Variants in DENND6A observed in about 807,000 individuals in gnomAD.
DENND6A encodes protein DENND6A.
DENND6A carries 43 observed loss-of-function variants against 95.5 expected under a neutral mutation model. That is an observed-to-expected ratio of 0.45 (90% confidence interval 0.35 to 0.58). The LOEUF (loss-of-function observed/expected upper bound fraction) is 0.58, where lower values mean the gene tolerates loss of function less well. DENND6A is among the 20% of genes least tolerant of loss of function. The pLI is 0.00. For synonymous variants in DENND6A, 257 were observed against 260.4 expected (o/e 0.99, Z 0.13); for missense variants, 574 against 736.0 (o/e 0.78, Z 2.55).
chr3:57,670,733 T>A (rs2071602698), intron 3 of DENND6A, among the ~76,000 whole-genome samples: 1 of 152,130 alleles, frequency 6.6e-6, no homozygotes, highest in African/African-American at 2.4e-5. Flanking sequence ...CCCTTCATGC[T>A]CATATAGAGA....
chr3:57,643,006 CAA>C (rs35913249), intron 11 of DENND6A, among the ~76,000 whole-genome samples: 5 of 104,536 alleles, frequency 4.8e-5, no homozygotes, highest in East Asian at 2.7e-4. Flanking sequence ...GACTTCATCT[CAA>C]AAAAAAAAAA....
At chr3:57,642,313 CAA>C (rs10681174) in intron 11 of DENND6A, among the ~76,000 whole-genome samples, 25 of 67,512 alleles carry the variant, frequency 3.7e-4, no homozygotes, top group East Asian at 1.0e-3. Context: ...GACTCTGTCT[CAA>C]AAAAAAAAAA....
chr3:57,628,440 TTAGA>T, intron 19 of DENND6A, 95 bp from the exon 20 acceptor site: 8 of 1,452,574 alleles, frequency 5.5e-6, no homozygotes, highest in Non-Finnish European at 1.8e-6. Context: ...GGTCTAACAA[TTAGA>T]TACTTTCAGT....
chr3:57,673,213 C>CAAAAAAAAAAAAAAAAAAAAAAAA (rs386396751), intron 1 of DENND6A, among the ~76,000 whole-genome samples: 5 of 70,690 alleles, frequency 7.1e-5, no homozygotes, highest in Admixed American at 2.0e-4. Context: ...CATTTCGTAT[C>CAAAAAAAAAAAAAAAAAAAAAAAA]AAAAAAAAAA....
At chr3:57,645,274 A>C (rs1268537202) in intron 11 of DENND6A, among the ~76,000 whole-genome samples, 1 of 152,004 alleles carries the variant, frequency 6.6e-6, no homozygotes, top group Non-Finnish European at 1.5e-5. Flanking sequence ...CAGCCTGATC[A>C]ACATGGTGAA....
At chr3:57,654,806 T>C (rs1575839491) in intron 9 of DENND6A, 1 of 981,894 alleles carries the variant, frequency 1.0e-6, no homozygotes, top group Non-Finnish European at 1.2e-6. Context: ...CTCTTTACTT[T>C]GCTTTCAAGC....
At position 57,630,989 on chromosome 3, in the gene DENND6A, G is replaced by C; in HGVS notation, c.1354-11C>G. The stretch of plus-strand genomic sequence containing the variant: ...TGCCACATATCTTTCCTAAAACCAA[G>C]AAAAAAGTTAATAAAAGGAGTGTCT... On this transcript the variant is annotated splice_polypyrimidine_tract_variant and intron_variant, in intron 15 of 19. Coordinates refer to ENST00000311128, the MANE Select transcript of DENND6A (RefSeq NM_152678.3). The C allele has an allele frequency of 3.7e-6, 6 of 1,608,188 alleles. No homozygotes were observed. Among genetic ancestry groups the C allele is most frequent in the Non-Finnish European group, 5.1e-6 (6 of 1,178,600 alleles).
intron 9 of DENND6A, among the ~76,000 whole-genome samples, chr3:57,654,113 A>C (rs2071272741): frequency 6.7e-6 from 1 of 148,294 alleles, no homozygotes. Context: ...ACGCCCGGCT[A>C]ATTTTTTTTT....
chr3:57,635,941 C>G (rs993540635), intron 12 of DENND6A, among the ~76,000 whole-genome samples: 9 of 152,226 alleles, frequency 5.9e-5, no homozygotes, highest in Admixed American at 3.3e-4. Context: ...TTATGATGAT[C>G]CACTTCCACT....
chr3:57,662,681 G>C (rs1181815394), intron 5 of DENND6A, among the ~76,000 whole-genome samples: 1 of 151,994 alleles, frequency 6.6e-6, no homozygotes, highest in Non-Finnish European at 1.5e-5. Flanking sequence ...TAAAACTTAA[G>C]TGGACTCCTC....
rs1047685419 is a variant in DENND6A, at chr3:57,692,730, G to A, written c.237+52C>T. ...CCCGCGGGCCGCTGGCTTTGCTGCA[G>A]CCGCCCCGGCGCAGGGGAGGAGCGC... is the stretch of plus-strand genomic sequence containing the variant. On this transcript the variant is annotated intron_variant, in intron 1 of 19. Coordinates refer to ENST00000311128, the MANE Select transcript of DENND6A (RefSeq NM_152678.3). 6 of 1,377,320 alleles carry A rather than the reference G, an allele frequency of 4.4e-6. No individual in the cohort carries two copies. The Admixed American group carries it at 1.2e-4, about 27-fold the overall frequency. 85.3% of individuals were successfully genotyped at this position (1,377,320 alleles called of 1,614,324 possible).
chr3:57,631,521 T>G (rs886232108), intron 15 of DENND6A, among the ~76,000 whole-genome samples: 2 of 151,826 alleles, frequency 1.3e-5, no homozygotes, highest in Non-Finnish European at 2.9e-5. Context: ...ACGATAATAG[T>G]TAACCTTACT....
intron 11 of DENND6A, among the ~76,000 whole-genome samples, chr3:57,643,177 A>G (rs1304986256): frequency 6.6e-6 from 1 of 152,152 alleles, no homozygotes; most frequent in Non-Finnish European, 1.5e-5. Context: ...ATATTTTAGG[A>G]TATCAAACTG....
At chr3:57,683,195 G>A (rs1472352928) in intron 1 of DENND6A, among the ~76,000 whole-genome samples, 1 of 152,048 alleles carries the variant, frequency 6.6e-6, no homozygotes, top group Non-Finnish European at 1.5e-5. Context: ...GGACGCTTAA[G>A]GTTAGGTAGG....
intron 11 of DENND6A, among the ~76,000 whole-genome samples, chr3:57,644,767 T>G (rs1482732469): frequency 0.036 from 36 of 992 alleles, no homozygotes; most frequent in African/African-American, 0.044. Flanking sequence ...AGGGGAGGGG[T>G]GAGGAGGGGA....
chr3:57,629,889 G>C (rs770687623), intron 18 of DENND6A, among the ~76,000 whole-genome samples: 3 of 152,100 alleles, frequency 2.0e-5, no homozygotes, highest in Non-Finnish European at 4.4e-5. Flanking sequence ...AAAAGATGTG[G>C]AGTTAGGCTT....
intron 1 of DENND6A, among the ~76,000 whole-genome samples, chr3:57,679,132 T>C (rs552447709): frequency 1.3e-5 from 2 of 152,306 alleles, no homozygotes; most frequent in African/African-American, 4.8e-5. Flanking sequence ...AACAAAATGA[T>C]ACCCAGTCTT....
chr3:57,645,495 G>T (rs781556426), intron 11 of DENND6A, among the ~76,000 whole-genome samples, 166 bp downstream of exon 11: 1 of 151,842 alleles, frequency 6.6e-6, no homozygotes, highest in Non-Finnish European at 1.5e-5. Flanking sequence ...ACATAAAATC[G>T]CTCAAATAAG....
At chr3:57,659,275 A>G (rs2071382241) in intron 7 of DENND6A, 95 bp from the exon 8 acceptor site, 2 of 1,327,814 alleles carry the variant, frequency 1.5e-6, no homozygotes, top group East Asian at 4.7e-5. Context: ...CAGTAATGCC[A>G]AAAAAGCTAC....
Sources: gnomAD v4.1 joint callset for allele counts (sites outside exome capture counted in the v4.1 genomes callset) on GRCh38, gnomAD v4.1.1 for gene constraint, MANE v1.5 for transcripts, NCBI Gene and HGNC (gene_info 2026-07-23, HGNC 2026-07-21) for gene names.